Variants in NSDHL observed in about 807,000 individuals in gnomAD.
NSDHL encodes NAD(P) dependent 3-beta-hydroxysteroid dehydrogenase NSDHL, also known as sterol-4-alpha-carboxylate 3-dehydrogenase, decarboxylating.
A neutral mutation model predicts 23.0 loss-of-function variants in NSDHL; 1 was observed. The ratio of observed to expected loss-of-function variants is 0.04; its 90% confidence interval spans 0.02 to 0.21. NSDHL has a LOEUF of 0.21. Ranked by LOEUF, NSDHL falls within the 10% of genes least tolerant of loss-of-function variation. The pLI is 1.00. For missense variants in NSDHL, 237 were observed against 300.9 expected (o/e 0.79, Z 1.57); for synonymous variants, 128 against 121.1 (o/e 1.06, Z -0.37).
At chrX:152,860,258 G>T in intron 4 of NSDHL, among the ~76,000 whole-genome samples, 1 of 112,060 alleles carries the variant, frequency 8.9e-6, no homozygotes, top group Non-Finnish European at 1.9e-5. Context: ...GCTCCTCGTT[G>T]GGTGACCAGG....
rs1418674487 is a variant in NSDHL at position 152,860,687 on chromosome X, C to A, written c.414+1771C>A. Among the ~76,000 whole-genome samples the A allele has an allele frequency of 2.7e-5, 3 of 110,424 alleles. No individual in the cohort carries two copies. In the Admixed American group the frequency reaches 2.9e-4, roughly 11 times the overall value. ...TGTGATCCCAACACTACACCCCAGC[C>A]TAGGCAACAGAGCAAGACCTTGTCT... On this transcript the variant is annotated intron_variant, in intron 4 of 7. Coordinates refer to ENST00000370274, the MANE Select transcript of NSDHL (RefSeq NM_015922.3).
chrX:152,857,720 C>T (rs1010014344), intron 3 of NSDHL, among the ~76,000 whole-genome samples: 3 of 111,859 alleles, frequency 2.7e-5, no homozygotes, highest in East Asian at 5.6e-4. Flanking sequence ...TGGATAAGAA[C>T]ATCATATCTG....
At chrX:152,837,441 G>A (rs375087492) in intron 1 of NSDHL, among the ~76,000 whole-genome samples, 7 of 111,563 alleles carry the variant, frequency 6.3e-5, no homozygotes, top group African/African-American at 9.8e-5. Context: ...TTTGTCATAA[G>A]TAGCTCTTAT....
intron 2 of NSDHL, 61 bp downstream of exon 2, chrX:152,846,493 A>C (rs1556845611): frequency 2.6e-6 from 2 of 768,816 alleles, no homozygotes; most frequent in Admixed American, 4.5e-5. Context: ...GTGGGTGAAA[A>C]ATTGTATTTG....
chrX:152,835,306 T>C (rs1466395149), intron 1 of NSDHL, among the ~76,000 whole-genome samples: 14 of 110,124 alleles, frequency 1.3e-4, no homozygotes, highest in African/African-American at 4.3e-4. Flanking sequence ...TTTTTTTTTT[T>C]TTAATTATTA....
At chrX:152,860,825 C>T (rs1195991639) in intron 4 of NSDHL, among the ~76,000 whole-genome samples, 2 of 112,396 alleles carry the variant, frequency 1.8e-5, no homozygotes, top group Non-Finnish European at 3.7e-5. Context: ...TGCCCATCCT[C>T]GATGCCATTG....
intron 3 of NSDHL, among the ~76,000 whole-genome samples, chrX:152,853,723 G>A (rs1933395865): frequency 8.9e-6 from 1 of 112,121 alleles, no homozygotes. Flanking sequence ...CCAAGTTTCT[G>A]CCTCAGGACC....
intron 3 of NSDHL, among the ~76,000 whole-genome samples, chrX:152,854,630 G>C (rs1224682847): frequency 9.1e-6 from 1 of 109,368 alleles, no homozygotes; most frequent in Non-Finnish European, 1.9e-5. Context: ...GGCTGGTCTT[G>C]AACTCCTTGT....
At chrX:152,867,708 C>T in intron 7 of NSDHL, 35 bp downstream of exon 7, 1 of 996,699 alleles carries the variant, frequency 1.0e-6, no homozygotes, top group Non-Finnish European at 1.4e-6. Context: ...GCACAGGTGC[C>T]TTTCTGCGGG....
chrX:152,865,837 G>A lies in NSDHL; in HGVS notation c.562G>A (p.Asp188Asn), dbSNP rs371114993. 19 of 1,211,434 alleles carry A rather than the reference G, an allele frequency of 1.6e-5. No individual in the cohort carries two copies. The highest frequency in any genetic ancestry group is 8.7e-5 in the Admixed American group (4 of 45,998). ...CCTCCAGGCAGTTCTGGGCGCCAACGATCCTGAGAAGAATTTCTTAACCAC... is the reference window on the plus strand; with the variant it reads ...CCTCCAGGCAGTTCTGGGCGCCAACAATCCTGAGAAGAATTTCTTAACCAC... ...LQERAVLGANDPEKNFLTTAI... is the reference protein window; with the variant it reads ...LQERAVLGANNPEKNFLTTAI... The change falls in exon 6 of 8, where the codon GAT becomes AAT. Residue 188 changes from aspartate to asparagine, a missense_variant. Coordinates refer to ENST00000370274, the MANE Select transcript of NSDHL (RefSeq NM_015922.3).
intron 2 of NSDHL, among the ~76,000 whole-genome samples, chrX:152,847,944 C>A (rs1307312691): frequency 9.2e-6 from 1 of 108,607 alleles, no homozygotes; most frequent in East Asian, 2.9e-4. Context: ...GTCACTGCAA[C>A]CTCTGCCTCC....
At chrX:152,850,529 C>A in intron 3 of NSDHL, 106 bp downstream of exon 3, 1 of 841,319 alleles carries the variant, frequency 1.2e-6, no homozygotes, top group Non-Finnish European at 1.8e-6. Context: ...ACAATTGTTT[C>A]ATTGTGAAAA....
chrX:152,838,305 C>G (rs1933133887), intron 1 of NSDHL, among the ~76,000 whole-genome samples: 1 of 111,532 alleles, frequency 9.0e-6, no homozygotes, highest in Non-Finnish European at 1.9e-5. Flanking sequence ...TCCTTCAGTT[C>G]TGCTCTGATC....
Position 152,846,294 on chromosome X carries a change from G to T in NSDHL, c.-31G>T. On this transcript the variant is annotated 5_prime_UTR_variant, in exon 2 of 8. Coordinates refer to ENST00000370274, the MANE Select transcript of NSDHL (RefSeq NM_015922.3). ...CTATGTCTTTAAGAAAAGAAAAGTT[G>T]ATTACAAACGGGACCATATTTTGCT... is the stretch of plus-strand genomic sequence containing the variant. 1 of 1,065,211 alleles carries T rather than the reference G, an allele frequency of 9.4e-7. No individual in the cohort carries two copies. The highest frequency in any genetic ancestry group is 1.3e-6 in the Non-Finnish European group (1 of 761,352). 87.8% of individuals were successfully genotyped at this position (1,065,211 alleles called of 1,213,427 possible).
At chrX:152,838,133 G>A (rs1471798888) in intron 1 of NSDHL, among the ~76,000 whole-genome samples, 43 of 111,585 alleles carry the variant, frequency 3.9e-4, no homozygotes, top group African/African-American at 1.2e-3. Context: ...CTGTGGGATC[G>A]GTGGTGATAT....
chrX:152,851,871 T>C (rs1391478620), intron 3 of NSDHL, among the ~76,000 whole-genome samples: 2 of 111,197 alleles, frequency 1.8e-5, no homozygotes, highest in Non-Finnish European at 3.8e-5. Flanking sequence ...CCCTCGCCTC[T>C]CTCATCCTTG....
At chrX:152,851,089 A>G (rs113882067) in intron 3 of NSDHL, among the ~76,000 whole-genome samples, 40,293 of 111,268 alleles carry the variant, frequency 0.36, 5,315 homozygotes, top group East Asian at 0.65. Context: ...CATGTTGTAC[A>G]GGTATGAATA....
At chrX:152,862,341 A>G in intron 4 of NSDHL, among the ~76,000 whole-genome samples, 1 of 112,362 alleles carries the variant, frequency 8.9e-6, no homozygotes, top group Admixed American at 9.4e-5. Context: ...CCTTGTTTTG[A>G]AACCAAGATC....
rs782463366 is a variant in NSDHL at position 152,869,080 on chromosome X, C to G, written c.1086C>G (p.Thr362=). Residue 362 remains threonine, a synonymous_variant, in exon 8 of 8, where the codon ACC becomes ACG. Transcript: ENST00000370274. ...LVTMDDAMER[T]VQSFRHLRRV... is the part of the protein sequence containing the mutation. ...CCATGGATGATGCTATGGAGAGGAC[C>G]GTGCAGAGCTTTCGCCACCTGCGGA... 2.5e-6 allele frequency: 3 copies of G among 1,211,842 alleles called. No individual in the cohort carries two copies. In the Admixed American group the frequency reaches 6.5e-5, roughly 26 times the overall value.
Sources: allele counts gnomAD v4.1 joint callset (sites outside exome capture counted in the v4.1 genomes callset), GRCh38; gene constraint gnomAD v4.1.1; transcripts MANE v1.5; gene names NCBI Gene and HGNC (gene_info 2026-07-23, HGNC 2026-07-21).